DCC: variants seen among roughly 807,000 people sequenced by gnomAD.
DCC encodes the protein DCC netrin 1 receptor, also known as netrin receptor DCC.
DCC carries 58 observed loss-of-function variants against 172.5 expected under a neutral mutation model. The ratio of observed to expected loss-of-function variants is 0.34; its 90% confidence interval spans 0.27 to 0.42. The LOEUF (loss-of-function observed/expected upper bound fraction) is 0.42. Among genes scored for constraint, DCC ranks in the 10% least tolerant of loss-of-function variants. The probability of loss-of-function intolerance (pLI) is 1.00; values close to 1 mark genes in which losing one functional copy is unlikely to be tolerated. For synonymous variants in DCC, 709 were observed against 644.5 expected (o/e 1.10, Z -1.52); for missense variants, 1,740 against 1,791.0 (o/e 0.97, Z 0.51).
At chr18:52,546,007 C>G (rs2032603607) in intron 1 of DCC, among the ~76,000 whole-genome samples, 1 of 152,198 alleles carries the variant, frequency 6.6e-6, no homozygotes, top group African/African-American at 2.4e-5. Flanking sequence ...ATACACATTG[C>G]TTACTTAGCA....
chr18:52,972,685 CTCT>C (rs1207599580), intron 5 of DCC, among the ~76,000 whole-genome samples: 1 of 152,134 alleles, frequency 6.6e-6, no homozygotes, highest in Non-Finnish European at 1.5e-5. Flanking sequence ...CTACACTTTC[CTCT>C]TCTTTGCTAT....
chr18:52,700,449 G>T (rs1568050388), intron 1 of DCC, among the ~76,000 whole-genome samples: 1 of 152,020 alleles, frequency 6.6e-6, no homozygotes, highest in Non-Finnish European at 1.5e-5. Flanking sequence ...CCTCCATGAT[G>T]TCCAACTTAA....
intron 2 of DCC, among the ~76,000 whole-genome samples, chr18:52,817,925 C>T (rs1175379584): frequency 6.6e-6 from 1 of 152,096 alleles, no homozygotes; most frequent in Non-Finnish European, 1.5e-5. Flanking sequence ...GCTTTGCATA[C>T]TATGCTAAGT....
intron 1 of DCC, among the ~76,000 whole-genome samples, chr18:52,452,908 T>C (rs1988348995): frequency 6.6e-6 from 1 of 152,234 alleles, no homozygotes; most frequent in Non-Finnish European, 1.5e-5. Context: ...AGGCTGTCAA[T>C]TTAAGACATC....
chr18:52,941,576 C>T (rs2040465985), intron 5 of DCC, among the ~76,000 whole-genome samples: 3 of 151,220 alleles, frequency 2.0e-5, no homozygotes, highest in African/African-American at 7.3e-5. Flanking sequence ...TATGCATATA[C>T]ATGTATACAT....
At chr18:53,422,482 C>T (rs190694822) in intron 21 of DCC, among the ~76,000 whole-genome samples, 91 of 152,272 alleles carry the variant, frequency 6.0e-4, no homozygotes, top group Admixed American at 9.8e-4. Context: ...TGTGTAATTT[C>T]TGGAAATGCA....
At chr18:53,125,996 G>A (rs9944880) in intron 7 of DCC, among the ~76,000 whole-genome samples, 8,178 of 152,156 alleles carry the variant, frequency 0.054, 292 homozygotes, top group East Asian at 0.11. Flanking sequence ...GAGAGGTTGC[G>A]TGAGGATATG....
In DCC at chr18:53,080,178, G is replaced by GT. The variant is rs140600479; in HGVS notation, c.1261+14013dup. Among the ~76,000 whole-genome samples the GT allele has an allele frequency of 5.1e-3, 778 of 152,126 alleles. 6 individuals are homozygous for GT. The highest frequency in any genetic ancestry group is 0.022 in the Admixed American group (341 of 15,238). On this transcript the variant is annotated intron_variant, in intron 7 of 28. Transcript: ENST00000442544. ...GAAGAGTGAGTTAATGTATTAGAAG[G>GT]TCCTGACAGATTGGAGATTGAGATG...
At chr18:52,583,673 A>C (rs2033606819) in intron 1 of DCC, among the ~76,000 whole-genome samples, 2 of 152,244 alleles carry the variant, frequency 1.3e-5, no homozygotes, top group African/African-American at 4.8e-5. Context: ...ATTTAGAATC[A>C]TAGCCATAAG....
chr18:53,405,329 A>G (rs1256596175), intron 19 of DCC, among the ~76,000 whole-genome samples: 1 of 152,100 alleles, frequency 6.6e-6, no homozygotes, highest in Non-Finnish European at 1.5e-5. Context: ...GTAGAGCAGG[A>G]TAGTTAAGAA....
chr18:53,354,869 G>A (rs1320916944), intron 15 of DCC, among the ~76,000 whole-genome samples: 3 of 147,802 alleles, frequency 2.0e-5, no homozygotes, highest in African/African-American at 7.7e-5. Flanking sequence ...GTCCTGAATG[G>A]TATTGCCTAG....
chr18:53,175,518 T>A (rs552026289), intron 8 of DCC, among the ~76,000 whole-genome samples: 2,236 of 149,472 alleles, frequency 0.015, 32 homozygotes, highest in Non-Finnish European at 0.023. Flanking sequence ...TCACAAGCAT[T>A]CTTATACACC....
At chr18:52,923,095 T>A (rs2145484873) in intron 3 of DCC, among the ~76,000 whole-genome samples, 1 of 152,234 alleles carries the variant, frequency 6.6e-6, no homozygotes, top group East Asian at 1.9e-4. Context: ...AACTCACTCT[T>A]TGAAATGTTG....
At chr18:52,969,577 GC>G (rs5824981) in intron 5 of DCC, among the ~76,000 whole-genome samples, 20,123 of 72,402 alleles carry the variant, frequency 0.28, 1,938 homozygotes, top group Middle Eastern at 0.34. Context: ...TATTTGCCCC[GC>G]CCCCCACTCT....
chr18:53,456,062 T>C (rs1466652526), intron 23 of DCC, among the ~76,000 whole-genome samples: 1 of 152,194 alleles, frequency 6.6e-6, no homozygotes, highest in Non-Finnish European at 1.5e-5. Context: ...GCTGGACAGC[T>C]CAATAAGACA....
chr18:52,700,251 C>A (rs1409744142), intron 1 of DCC, among the ~76,000 whole-genome samples: 1 of 147,474 alleles, frequency 6.8e-6, no homozygotes, highest in Non-Finnish European at 1.5e-5. Context: ...CACACTCACA[C>A]ACGCACATCC....
Position 53,157,474 on chromosome 18 carries a change from A to T in DCC, c.1380A>T (p.Gln460His). The change falls in exon 8 of 29, where the codon CAA (glutamine) becomes CAT (histidine). Residue 460 changes from glutamine to histidine, a missense_variant. By Grantham distance (24) the Gln-to-His change is conservative. Coordinates refer to ENST00000442544, the MANE Select transcript of DCC (RefSeq NM_005215.4). ...RPPAEAKGNIQTFTVFFSREG... is the reference protein window; with the variant it reads ...RPPAEAKGNIHTFTVFFSREG... ...CTGCAGAAGCGAAAGGGAACATTCA[A>T]ACTTTCACGGTCTTTTTCTCCAGAG... The T allele has an allele frequency of 1.2e-6, 2 of 1,614,108 alleles. No homozygotes were observed. Among genetic ancestry groups the T allele is most frequent in the Non-Finnish European group, 1.7e-6 (2 of 1,179,994 alleles).
chr18:52,397,898 T>C (rs1325300821), intron 1 of DCC, among the ~76,000 whole-genome samples: 1 of 151,980 alleles, frequency 6.6e-6, no homozygotes, highest in Non-Finnish European at 1.5e-5. Flanking sequence ...TATCTGTCCA[T>C]CTCATGTAAA....
intron 11 of DCC, among the ~76,000 whole-genome samples, chr18:53,214,502 A>G (rs917509412): frequency 4.6e-5 from 7 of 152,298 alleles, no homozygotes; most frequent in East Asian, 1.9e-4. Context: ...TAAGTACTCT[A>G]TAGAAAAACA....
Sources: allele counts gnomAD v4.1 joint callset (sites outside exome capture counted in the v4.1 genomes callset), GRCh38; gene constraint gnomAD v4.1.1; transcripts MANE v1.5; gene names NCBI Gene and HGNC (gene_info 2026-07-23, HGNC 2026-07-21).